Variants in PTPRT observed in about 807,000 individuals in gnomAD.
The protein encoded by PTPRT is protein tyrosine phosphatase receptor type T.
In PTPRT, 56 loss-of-function variants were observed where a neutral mutation model predicts 176.8. That is an observed-to-expected ratio of 0.32 (90% CI 0.26 to 0.40). The LOEUF (loss-of-function observed/expected upper bound fraction) is 0.40, where lower values mean the gene tolerates loss of function less well. PTPRT is among the 10% of genes least tolerant of loss of function. PTPRT has a pLI of 1.00. For synonymous variants in PTPRT, 783 were observed against 739.0 expected (o/e 1.06, Z -0.96); for missense variants, 1,540 against 1,908.2 (o/e 0.81, Z 3.60).
At chr20:42,920,601 C>G (rs531639330) in intron 1 of PTPRT, among the ~76,000 whole-genome samples, 3 of 151,882 alleles carry the variant, frequency 2.0e-5, no homozygotes, top group Non-Finnish European at 4.4e-5. Flanking sequence ...GAAAAAAAGT[C>G]ATGGTCACAT....
chr20:42,840,108 T>C (rs1449837613), intron 2 of PTPRT, among the ~76,000 whole-genome samples: 2 of 152,204 alleles, frequency 1.3e-5, no homozygotes. Context: ...ATGTTCCCTC[T>C]GAAACCTATA....
intron 7 of PTPRT, among the ~76,000 whole-genome samples, chr20:42,485,046 A>G (rs57598506): frequency 0.041 from 6,206 of 152,310 alleles, 328 homozygotes; most frequent in East Asian, 0.13. Context: ...CAAGTGCTCA[A>G]ATGCTGGGAA....
chr20:42,403,777 T>A (rs1035406886), intron 9 of PTPRT, among the ~76,000 whole-genome samples: 1 of 152,124 alleles, frequency 6.6e-6, no homozygotes, highest in Non-Finnish European at 1.5e-5. Flanking sequence ...CTCACAGTAG[T>A]GATGGTTCTG....
At chr20:42,843,073 C>G (rs1600459379) in intron 2 of PTPRT, among the ~76,000 whole-genome samples, 1 of 152,166 alleles carries the variant, frequency 6.6e-6, no homozygotes, top group East Asian at 1.9e-4. Context: ...CTTCCGGGAT[C>G]CCTAAATCTT....
At chr20:42,328,858 A>C (rs1165263326) in intron 11 of PTPRT, among the ~76,000 whole-genome samples, 1 of 152,212 alleles carries the variant, frequency 6.6e-6, no homozygotes, top group Non-Finnish European at 1.5e-5. Context: ...GGAGGACATA[A>C]AATTATCATT....
At chr20:42,152,762 C>G (rs537017803) in intron 17 of PTPRT, among the ~76,000 whole-genome samples, 10 of 152,338 alleles carry the variant, frequency 6.6e-5, no homozygotes, top group Non-Finnish European at 7.3e-5. Context: ...AGACCAGCAA[C>G]TCTCCTCTAA....
intron 6 of PTPRT, chr20:42,687,343 T>C (rs546110160): frequency 6.6e-6 from 1 of 152,334 alleles, no homozygotes; most frequent in South Asian, 2.1e-4. Flanking sequence ...CAACATCATG[T>C]TGCAACCAGT....
chr20:42,571,968 T>G (rs369346431), intron 7 of PTPRT, among the ~76,000 whole-genome samples: 18 of 152,200 alleles, frequency 1.2e-4, no homozygotes, highest in Non-Finnish European at 2.2e-4. Context: ...CTGTATTCGT[T>G]TGAGCTGTTA....
At chr20:42,102,901 T>C (rs568771973) in intron 25 of PTPRT, among the ~76,000 whole-genome samples, 1 of 152,326 alleles carries the variant, frequency 6.6e-6, no homozygotes, top group South Asian at 2.1e-4. Context: ...CTCTAGCCAA[T>C]GGACTAGATG....
In PTPRT at chr20:42,660,732, C is replaced by T. The variant is rs1018508629; in HGVS notation, c.1153+17134G>A. On this transcript the variant is annotated intron_variant, in intron 7 of 30. Transcript: ENST00000373187. ...CTGGTGACCAGAACAGACAAGGTAACGATCCCTGGGGAGTATATAGTCTAA... is the reference window on the plus strand; with the variant it reads ...CTGGTGACCAGAACAGACAAGGTAATGATCCCTGGGGAGTATATAGTCTAA... Among the ~76,000 whole-genome samples the T allele has an allele frequency of 1.2e-4, 18 of 152,258 alleles. No homozygotes were observed. The Middle Eastern group carries it at 0.01, about 86-fold the overall frequency.
chr20:42,133,548 T>G (rs757902360), intron 18 of PTPRT, among the ~76,000 whole-genome samples: 3 of 152,076 alleles, frequency 2.0e-5, no homozygotes, highest in African/African-American at 7.2e-5. Flanking sequence ...GAGGGAAGGA[T>G]GAATAGGTGA....
chr20:42,852,048 A>C (rs1363472192), intron 2 of PTPRT, among the ~76,000 whole-genome samples: 1 of 152,186 alleles, frequency 6.6e-6, no homozygotes, highest in African/African-American at 2.4e-5. Flanking sequence ...TTCACTAGCC[A>C]CTAAATTGCT....
chr20:42,785,398 A>T (rs980420187), intron 3 of PTPRT, among the ~76,000 whole-genome samples: 2 of 152,246 alleles, frequency 1.3e-5, no homozygotes, highest in African/African-American at 4.8e-5. Context: ...TTTAGCCCAT[A>T]GAATCATATG....
chr20:42,146,977 C>T (rs1294112658), intron 17 of PTPRT, among the ~76,000 whole-genome samples: 1 of 152,190 alleles, frequency 6.6e-6, no homozygotes, highest in Non-Finnish European at 1.5e-5. Context: ...TCAGCGTAAG[C>T]ATCTTCTTTG....
intron 11 of PTPRT, among the ~76,000 whole-genome samples, chr20:42,350,225 T>TTTTG (rs1555830534): frequency 1.5e-5 from 1 of 66,224 alleles, no homozygotes; most frequent in African/African-American, 5.7e-5. Flanking sequence ...TTTTTTTTTT[T>TTTTG]TTTTTTTTTT....
chr20:42,786,921 A>G (rs2077299397), intron 3 of PTPRT, among the ~76,000 whole-genome samples: 1 of 152,208 alleles, frequency 6.6e-6, no homozygotes, highest in African/African-American at 2.4e-5. Flanking sequence ...TCTGGACATC[A>G]TCAGCTTTAT....
chr20:42,448,228 G>C lies in PTPRT; in HGVS notation c.1552C>G (p.Leu518Val). The C allele has an allele frequency of 6.2e-7, 1 of 1,609,564 alleles. No individual in the cohort carries two copies. The highest frequency in any genetic ancestry group is 8.5e-7 in the Non-Finnish European group (1 of 1,175,888). The change falls in exon 9 of 31, where the codon CTC becomes GTC. Residue 518 changes from leucine (L) to valine (V), a missense_variant. Physicochemically the swap from Leu to Val is conservative, Grantham distance 32. Transcript: ENST00000373187. ...PPNETNGVIT[L>V]YEINYKAVGS... ...ACAAGGGACCTCCTTACCTCGTAGA[G>C]CGTGATGACCCCATTGGTCTCATTG...
intron 1 of PTPRT, among the ~76,000 whole-genome samples, chr20:42,979,445 C>T (rs935855382): frequency 3.3e-5 from 5 of 152,148 alleles, no homozygotes; most frequent in African/African-American, 9.7e-5. Flanking sequence ...TTGGAAAGCC[C>T]TTGCTCCCCG....
chr20:42,997,224 G>A (rs562745950), intron 1 of PTPRT, among the ~76,000 whole-genome samples: 1 of 145,652 alleles, frequency 6.9e-6, no homozygotes, highest in Admixed American at 6.8e-5. Context: ...ATTAACACGG[G>A]CAGGCTCATT....
Sources: gnomAD v4.1 joint callset for allele counts (sites outside exome capture counted in the v4.1 genomes callset) on GRCh38, gnomAD v4.1.1 for gene constraint, MANE v1.5 for transcripts, NCBI Gene and HGNC (gene_info 2026-07-23, HGNC 2026-07-21) for gene names.